Variants in TSC22D4 observed in about 807,000 individuals in gnomAD.
TSC22D4 encodes TSC22 domain family protein 4.
A neutral mutation model predicts 24.9 loss-of-function variants in TSC22D4; 5 were observed. The ratio of observed to expected loss-of-function variants is 0.20; its 90% CI spans 0.10 to 0.42. The LOEUF is 0.42. Among genes scored for constraint, TSC22D4 ranks in the 10% least tolerant of loss-of-function variants. The probability of loss-of-function intolerance (pLI) is 1.00; values close to 1 mark genes in which losing one functional copy is unlikely to be tolerated. For synonymous variants in TSC22D4, 245 were observed against 243.2 expected, an observed-to-expected ratio of 1.01 and a Z score of -0.07; for missense variants, 469 against 547.9, an observed-to-expected ratio of 0.86 and a Z score of 1.44.
Position 100,478,111 on chromosome 7 carries a change from G to T in TSC22D4, c.-73C>A. 2.3e-6 allele frequency: 3 copies of T among 1,293,438 alleles called. No homozygotes were observed. Among genetic ancestry groups the T allele is most frequent in the Middle Eastern group, 2.7e-4 (1 of 3,680 alleles). The allele number at this position is 1,293,438 out of a possible 1,614,324, so 80.1% of individuals were successfully genotyped here. A position where few individuals can be genotyped will look rare whatever the true frequency, so the allele number is the denominator to read the frequency against. ...TCCTTGAAGGGGCTCAGGCACCCCT[G>T]GAACAAGGGGGCCACATGGCGGGGA... On this transcript the variant is annotated 5_prime_UTR_variant, in exon 2 of 5. Transcript: ENST00000300181.
intron 1 of TSC22D4, 67 bp from the exon 2 acceptor site, chr7:100,478,374 T>TGTGTGC (rs1799557552): frequency 3.1e-5 from 8 of 254,552 alleles, no homozygotes; most frequent in Admixed American, 1.0e-4. Flanking sequence ...TGTGTGTGTG[T>TGTGTGC]GTGTGTGTGT....
At chr7:100,471,754 A>T (rs1799397510) in intron 3 of TSC22D4, among the ~76,000 whole-genome samples, 1 of 152,078 alleles carries the variant, frequency 6.6e-6, no homozygotes. Flanking sequence ...AGAAAAAAAC[A>T]AAAACAAAAC....
intron 3 of TSC22D4, among the ~76,000 whole-genome samples, chr7:100,468,953 T>A (rs1167330725): frequency 6.9e-6 from 1 of 145,036 alleles, no homozygotes; most frequent in Non-Finnish European, 1.5e-5. Context: ...AAGCCAGGTG[T>A]GGTGGCTCAC....
intron 3 of TSC22D4, among the ~76,000 whole-genome samples, chr7:100,472,082 G>A (rs906058099): frequency 5.9e-5 from 9 of 151,558 alleles, no homozygotes; most frequent in Admixed American, 2.6e-4. Context: ...CCCTCTGTTC[G>A]CCCATCCCCA....
intron 3 of TSC22D4, chr7:100,468,159 C>A (rs968022931): frequency 1.3e-5 from 4 of 310,354 alleles, no homozygotes; most frequent in Non-Finnish European, 2.6e-5. Flanking sequence ...GACACGGGGA[C>A]CCCCCCTCCT....
chr7:100,467,439 A>T, intron 4 of TSC22D4, 113 bp downstream of exon 4: 1 of 1,187,478 alleles, frequency 8.4e-7, no homozygotes, highest in Non-Finnish European at 1.2e-6. Context: ...CAGCAGGGAG[A>T]GGGACGGAGG....
chr7:100,473,664 A>C (rs1799435921), intron 3 of TSC22D4: 2 of 149,862 alleles, frequency 1.3e-5, no homozygotes, highest in Admixed American at 1.3e-4. Context: ...CTGGCCTCGA[A>C]CTCCTGACCT....
rs1365248965 is a variant in TSC22D4 at position 100,474,541 on chromosome 7, ACT to A, written c.763-103_763-102del. 7.1e-7 allele frequency: 1 copy of A among 1,407,310 alleles called. No individual in the cohort carries two copies. Among genetic ancestry groups the A allele is most frequent in the African/African-American group, 1.4e-5 (1 of 69,818 alleles). The allele number at this position is 1,407,310 out of a possible 1,614,324, so 87.2% of individuals were successfully genotyped here. ...AGCCTTCCTCCCTCTCCACCTCCCC[ACT>A]CTCTTTCGAGGACCCAGGAGTCCTG... is the stretch of plus-strand genomic sequence containing the variant. On this transcript the variant is annotated intron_variant, in intron 2 of 4. Coordinates refer to ENST00000300181, the MANE Select transcript of TSC22D4 (RefSeq NM_030935.5). This position sits in a 1 kb window ranked among gnomAD's most constrained non-coding sequence, Gnocchi z 4.3.
At chr7:100,472,359 GGTGAA>G (rs1267406084) in intron 3 of TSC22D4, among the ~76,000 whole-genome samples, 2 of 151,632 alleles carry the variant, frequency 1.3e-5, no homozygotes, top group Non-Finnish European at 2.9e-5. Flanking sequence ...AGCACAGCAG[GGTGAA>G]GTGGAGGCTG....
In TSC22D4 at chr7:100,478,208, G is replaced by A; in HGVS notation, c.-170C>T. On this transcript the variant is annotated 5_prime_UTR_variant, in exon 2 of 5. Transcript: ENST00000300181. ...TGGCGGGAACCGGGGGTGCCTGCTGGGTGAGGGGAGAAGAGGAGAGGGGAG... is the reference window on the plus strand; with the variant it reads ...TGGCGGGAACCGGGGGTGCCTGCTGAGTGAGGGGAGAAGAGGAGAGGGGAG... 3.4e-6 allele frequency: 2 copies of A among 593,570 alleles called. No individual in the cohort carries two copies. The highest frequency in any genetic ancestry group is 5.9e-6 in the Non-Finnish European group (2 of 337,438). 36.8% of individuals were successfully genotyped at this position (593,570 alleles called of 1,614,324 possible).
chr7:100,477,968 C>T lies in TSC22D4; in HGVS notation c.71G>A (p.Ser24Asn). Residue 24 changes from serine (S) to asparagine (N), a missense_variant, in exon 2 of 5, where the codon AGC becomes AAC. Transcript: ENST00000300181. The surrounding 1 kb of genome is among the most constrained non-coding windows in gnomAD (Gnocchi z 7.8). ...SVTTDYEGPG[S>N]PGASDPPTPQ... ...GGTAGGGGGATCCGAAGCCCCTGGG[C>T]TCCCAGGGCCCTCATAGTCCGTGGT... is the stretch of plus-strand genomic sequence containing the variant. 1 of 1,572,366 alleles carries T rather than the reference C, an allele frequency of 6.4e-7. No homozygotes were observed. The highest frequency in any genetic ancestry group is 8.6e-7 in the Non-Finnish European group (1 of 1,160,198).
Position 100,477,532 on chromosome 7 carries a change from T to A in TSC22D4, c.507A>T (p.Gly169=). ...PGPQARSFTG[G]LGQLVVPSKA... is the part of the protein sequence containing the mutation. ...TGCTGGGCACCACCAGCTGGCCCAG[T>A]CCCCCAGTGAAGGAGCGGGCCTGAG... Residue 169 remains glycine (G), a synonymous_variant, in exon 2 of 5, where the codon GGA becomes GGT. Coordinates refer to ENST00000300181, the MANE Select transcript of TSC22D4 (RefSeq NM_030935.5). This position sits in a 1 kb window ranked among gnomAD's most constrained non-coding sequence, Gnocchi z 7.8. 6.4e-7 allele frequency: 1 copy of A among 1,559,806 alleles called. No individual in the cohort carries two copies. The highest frequency in any genetic ancestry group is 8.7e-7 in the Non-Finnish European group (1 of 1,153,362).
chr7:100,467,890 C>G (rs550368774), intron 3 of TSC22D4: 8 of 613,018 alleles, frequency 1.3e-5, no homozygotes, highest in Non-Finnish European at 1.6e-5. Context: ...CCCCACCACT[C>G]GGGTCTCATA....
intron 1 of TSC22D4, 43 bp from the exon 2 acceptor site, chr7:100,478,350 A>AGAGAGAGAGTGTGTGTGT (rs1228276528): frequency 6.0e-5 from 5 of 83,742 alleles, no homozygotes; most frequent in African/African-American, 2.2e-4. Context: ...AGAGAGAGAG[A>AGAGAGAGAGTGTGTGTGT]GTGTGTGTGT....
chr7:100,474,432 T>A lies in TSC22D4; in HGVS notation c.771A>T (p.Pro257=), dbSNP rs1799454034. 1.2e-6 allele frequency: 2 copies of A among 1,613,790 alleles called. No individual in the cohort carries two copies. The highest frequency in any genetic ancestry group is 1.7e-6 in the Non-Finnish European group (2 of 1,179,962). The change falls in exon 3 of 5, where the codon CCA becomes CCT. Residue 257 remains proline (P), a synonymous_variant. Transcript: ENST00000300181. This position sits in a 1 kb window ranked among gnomAD's most constrained non-coding sequence, Gnocchi z 4.3. ...CTGGGGAGCTGGGGCGAGAGTCAAG[T>A]GGGGGCACCTGGAGGCGGAGAGGTA... ...GAPEEMGQVP[P]LDSRPSSPAL...
In TSC22D4 at chr7:100,477,459, G is replaced by A. The variant is rs751827493; in HGVS notation, c.580C>T (p.Arg194Cys). ...TCACCGGTCTCAGGCTCTGGGGGGC[G>A]CTGCTGGGGTGAGGAGGCCGACAGT... is the stretch of plus-strand genomic sequence containing the variant. The part of the protein sequence containing the change: ...PPLSASSPQQ[R>C]PPEPETGESA... Residue 194 changes from arginine (R) to cysteine (C), a missense_variant, in exon 2 of 5, where the codon CGC (arginine) becomes TGC (cysteine). By Grantham distance (180) the Arg-to-Cys change is radical (BLOSUM62 -3). Coordinates refer to ENST00000300181, the MANE Select transcript of TSC22D4 (RefSeq NM_030935.5). This position sits in a 1 kb window ranked among gnomAD's most constrained non-coding sequence, Gnocchi z 7.8. The A allele has an allele frequency of 1.7e-5, 26 of 1,558,070 alleles. No homozygotes were observed. Among genetic ancestry groups the A allele is most frequent in the Admixed American group, 4.0e-5 (2 of 50,508 alleles).
Position 100,466,756 on chromosome 7 carries a change from G to A in TSC22D4, c.*203C>T. 1.6e-6 allele frequency: 1 copy of A among 611,978 alleles called. No individual in the cohort carries two copies. 37.9% of individuals were successfully genotyped at this position (611,978 alleles called of 1,614,324 possible). On this transcript the variant is annotated 3_prime_UTR_variant, in exon 5 of 5. Coordinates refer to ENST00000300181, the MANE Select transcript of TSC22D4 (RefSeq NM_030935.5). ...TTCCCTCCCAGAGGGGGCTCCCTCT[G>A]ACGCCCCGTCCTGAAGCCCTCCCTC...
Position 100,477,597 on chromosome 7 carries a change from G to A in TSC22D4, c.442C>T (p.Pro148Ser). The A allele has an allele frequency of 6.3e-7, 1 of 1,595,702 alleles. No homozygotes were observed. The highest frequency in any genetic ancestry group is 8.5e-7 in the Non-Finnish European group (1 of 1,172,554). Residue 148 changes from proline (P) to serine (S), a missense_variant, in exon 2 of 5, where the codon CCC becomes TCC. Pro to Ser is a moderately conservative substitution (Grantham distance 74, BLOSUM62 -1). Coordinates refer to ENST00000300181, the MANE Select transcript of TSC22D4 (RefSeq NM_030935.5). The surrounding 1 kb of genome is among the most constrained non-coding windows in gnomAD (Gnocchi z 7.8). ...PTPPSGLSQG[P>S]TSWLRPPPTS... ...GGGGGTGGACGGAGCCAGGAGGTGG[G>A]GCCCTGAGACAGGCCTGACGGTGGG...
chr7:100,477,937 C>T lies in TSC22D4; in HGVS notation c.102G>A (p.Gln34=), dbSNP rs1177929078. Residue 34 remains glutamine (Q), a synonymous_variant, in exon 2 of 5, where the codon CAG becomes CAA. Transcript: ENST00000300181. This position sits in a 1 kb window ranked among gnomAD's most constrained non-coding sequence, Gnocchi z 7.8. ...SPGASDPPTP[Q]PPTGPPPRLP... is the part of the protein sequence containing the mutation. The stretch of plus-strand genomic sequence containing the variant: ...GGCGGGGCGGGGGCCCGGTTGGGGG[C>T]TGTGGGGTAGGGGGATCCGAAGCCC... 5 of 1,542,106 alleles carry T rather than the reference C, an allele frequency of 3.2e-6. No homozygotes were observed. Among genetic ancestry groups the T allele is most frequent in the Non-Finnish European group, 4.4e-6 (5 of 1,142,696 alleles).
Sources: allele counts gnomAD v4.1 joint callset (sites outside exome capture counted in the v4.1 genomes callset), GRCh38; gene constraint gnomAD v4.1.1; non-coding constraint Gnocchi (gnomAD v3.1); transcripts MANE v1.5; gene names NCBI Gene and HGNC (gene_info 2026-07-23, HGNC 2026-07-21).